The following RELN variants were observed in gnomAD, a reference collection of about 807,000 sequenced individuals.
The protein encoded by RELN is reelin.
RELN carries 108 observed loss-of-function variants against 427.6 expected under a neutral mutation model. That is an observed-to-expected ratio of 0.25 (90% CI 0.22 to 0.30). RELN has a LOEUF of 0.30. RELN is among the 10% of genes least tolerant of loss of function. The pLI, the probability that RELN is intolerant of heterozygous loss-of-function variation, is 1.00. For missense variants in RELN, 3,715 were observed against 4,302.8 expected (o/e 0.86, Z 3.82); for synonymous variants, 1,524 against 1,513.4 (o/e 1.01, Z -0.16).
chr7:103,676,566 T>C (rs1239988947), intron 11 of RELN, among the ~76,000 whole-genome samples: 1 of 152,240 alleles, frequency 6.6e-6, no homozygotes, highest in East Asian at 1.9e-4. Flanking sequence ...TTATAAATCA[T>C]GCTACTATAC....
chr7:103,716,163 T>G (rs532917442), intron 8 of RELN, among the ~76,000 whole-genome samples: 1 of 152,302 alleles, frequency 6.6e-6, no homozygotes, highest in East Asian at 1.9e-4. Context: ...GGTGGTACCA[T>G]GCCTGCTCTT....
chr7:103,762,972 G>A (rs1269088491), intron 4 of RELN, among the ~76,000 whole-genome samples: 1 of 152,126 alleles, frequency 6.6e-6, no homozygotes, highest in East Asian at 1.9e-4. Context: ...ACTTCAATTT[G>A]GTTCTCAAGC....
At chr7:103,702,903 T>C (rs1250125604) in intron 8 of RELN, among the ~76,000 whole-genome samples, 1 of 152,122 alleles carries the variant, frequency 6.6e-6, no homozygotes, top group Non-Finnish European at 1.5e-5. Context: ...CCTCAGTCCT[T>C]TGAGGAAAAA....
chr7:103,881,182 C>A (rs1794598912), intron 2 of RELN, among the ~76,000 whole-genome samples: 2 of 152,108 alleles, frequency 1.3e-5, no homozygotes, highest in Non-Finnish European at 1.5e-5. Context: ...TCTGCTTCTA[C>A]AAAAACTGGC....
At chr7:103,849,410 CTT>C (rs764939599) in intron 2 of RELN, among the ~76,000 whole-genome samples, 4 of 152,168 alleles carry the variant, frequency 2.6e-5, no homozygotes, top group Non-Finnish European at 4.4e-5. Context: ...ACAGCTTCCT[CTT>C]TGAGTTCAGT....
chr7:103,529,656 A>G lies in RELN; in HGVS notation c.7349+5660T>C, dbSNP rs528999878. The stretch of plus-strand genomic sequence containing the variant: ...TCAGTCTCTCTCAATAACTCCTGAC[A>G]TTCCTGCCTTCCTATTTCTCCTCAG... On this transcript the variant is annotated intron_variant, in intron 46 of 64. Transcript: ENST00000428762. Among the ~76,000 whole-genome samples the G allele has an allele frequency of 2.0e-5, 3 of 152,152 alleles. No individual in the cohort carries two copies. The South Asian group carries it at 6.2e-4, about 32-fold the overall frequency.
At chr7:103,933,145 A>AT (rs1795901003) in intron 1 of RELN, among the ~76,000 whole-genome samples, 1 of 152,196 alleles carries the variant, frequency 6.6e-6, no homozygotes, top group Non-Finnish European at 1.5e-5. Flanking sequence ...GCAGCATACC[A>AT]TTAGCCCACA....
At chr7:103,525,608 T>C (rs1330220460) in intron 46 of RELN, among the ~76,000 whole-genome samples, 1 of 152,222 alleles carries the variant, frequency 6.6e-6, no homozygotes, top group Admixed American at 6.5e-5. Context: ...TCTGTTTATC[T>C]GCAGCAACAA....
intron 2 of RELN, among the ~76,000 whole-genome samples, chr7:103,862,807 A>G (rs765136961): frequency 3.7e-4 from 57 of 152,174 alleles, no homozygotes; most frequent in Non-Finnish European, 7.4e-4. Context: ...GTTGGGTGAC[A>G]GGAGCAGATG....
intron 2 of RELN, among the ~76,000 whole-genome samples, chr7:103,855,638 T>G (rs1256879434): frequency 6.6e-6 from 1 of 152,196 alleles, no homozygotes; most frequent in Non-Finnish European, 1.5e-5. Flanking sequence ...TAAAGCAACA[T>G]AAATGTATTG....
intron 2 of RELN, among the ~76,000 whole-genome samples, chr7:103,892,781 T>C (rs1794878120): frequency 1.3e-5 from 2 of 152,204 alleles, no homozygotes; most frequent in African/African-American, 4.8e-5. Flanking sequence ...TCATTTCCAG[T>C]AGAGACTCAT....
chr7:103,565,639 A>G (rs1830734618), intron 33 of RELN, 88 bp from the exon 34 acceptor site: 24 of 1,323,834 alleles, frequency 1.8e-5, no homozygotes, highest in Non-Finnish European at 2.5e-5. Context: ...CTTCAATAGC[A>G]AACAAAAATC....
intron 2 of RELN, among the ~76,000 whole-genome samples, chr7:103,883,417 T>C (rs1794652188): frequency 6.6e-6 from 1 of 152,206 alleles, no homozygotes; most frequent in Non-Finnish European, 1.5e-5. Context: ...AACATAGTAT[T>C]AGAAGTTCTG....
In RELN at chr7:103,949,604, A is replaced by G. The variant is rs972167111; in HGVS notation, c.227-32419T>C. 3.5e-5 allele frequency among the ~76,000 whole-genome samples: 5 copies of G among 143,568 alleles called. No homozygotes were observed. In the East Asian group the frequency reaches 1.0e-3, roughly 29 times the overall value. 94.2% of individuals were successfully genotyped at this position (143,568 alleles called of 152,430 possible). ...CTTGATCTTGGACTTCCCAGTCTCC[A>G]GAACTGTGAGAAATAAATTTTTGTC... On this transcript the variant is annotated intron_variant, in intron 1 of 64. Transcript: ENST00000428762.
At chr7:103,706,436 T>C (rs993323185) in intron 8 of RELN, among the ~76,000 whole-genome samples, 4 of 152,172 alleles carry the variant, frequency 2.6e-5, no homozygotes, top group African/African-American at 9.7e-5. Context: ...AGAACAATTA[T>C]AGGGGTTATG....
At chr7:103,479,206 T>A (rs894635674) in intron 63 of RELN, among the ~76,000 whole-genome samples, 2 of 152,150 alleles carry the variant, frequency 1.3e-5, no homozygotes, top group African/African-American at 4.8e-5. Context: ...AGGATAGAAG[T>A]ATGAGTGCCC....
At position 103,685,267 on chromosome 7, in the gene RELN, A is replaced by T. The variant is rs968016838; in HGVS notation, c.1144-3006T>A. ...TAATACCCAGCTATTTTTGTTCAAC[A>T]CCTATTCGAACTCCTATCATTTATA... On this transcript the variant is annotated intron_variant, in intron 10 of 64. Coordinates refer to ENST00000428762, the MANE Select transcript of RELN (RefSeq NM_005045.4). Among the ~76,000 whole-genome samples the T allele has an allele frequency of 5.9e-5, 9 of 152,264 alleles. No homozygotes were observed. In the East Asian group the frequency reaches 1.7e-3, roughly 29 times the overall value.
chr7:103,607,653 T>A (rs937863669), intron 22 of RELN, among the ~76,000 whole-genome samples: 27 of 152,334 alleles, frequency 1.8e-4, no homozygotes, highest in African/African-American at 6.3e-4. Flanking sequence ...TGATTTTTCC[T>A]TCCCATATAA....
intron 2 of RELN, among the ~76,000 whole-genome samples, chr7:103,897,430 G>GGT (rs1794986001): frequency 6.6e-6 from 1 of 151,934 alleles, no homozygotes; most frequent in African/African-American, 2.4e-5. Context: ...GTGCTTACCT[G>GGT]GTGTGTGCTC....
Sources: allele counts gnomAD v4.1 joint callset (sites outside exome capture counted in the v4.1 genomes callset), GRCh38; gene constraint gnomAD v4.1.1; transcripts MANE v1.5; gene names NCBI Gene and HGNC (gene_info 2026-07-23, HGNC 2026-07-21).